Variants in LOXHD1 observed in about 807,000 individuals in gnomAD.
The protein encoded by LOXHD1 is lipoxygenase homology PLAT domains 1.
Under a neutral mutation model 248.2 loss-of-function variants are expected in LOXHD1, and 205 were observed. That is an observed-to-expected ratio of 0.83 (90% CI 0.74 to 0.93). The LOEUF is 0.93. LOXHD1 is among the 40% of genes least tolerant of loss of function. The pLI is 0.00. For missense variants in LOXHD1, 2,930 were observed against 2,971.6 expected (o/e 0.99, Z 0.33); for synonymous variants, 1,113 against 1,162.8 (o/e 0.96, Z 0.87).
At chr18:46,517,731 T>A (rs780262095) in intron 34 of LOXHD1, among the ~76,000 whole-genome samples, 41 of 152,266 alleles carry the variant, frequency 2.7e-4, no homozygotes, top group Admixed American at 9.8e-4. Context: ...ACAGAAAAGT[T>A]GCAAAAATAG....
In LOXHD1 at chr18:46,496,760, T is replaced by G. The variant is rs770688835; in HGVS notation, c.5879-7618A>C. ...GCTTATGCCTGTAATCCCAGCACTT[T>G]GGGAGGCCGAGGCAGGTGGATCCCT... is the stretch of plus-strand genomic sequence containing the variant. On this transcript the variant is annotated intron_variant, in intron 37 of 40. Coordinates refer to ENST00000642948, the MANE Select transcript of LOXHD1 (RefSeq NM_001384474.1). 1.4e-3 allele frequency among the ~76,000 whole-genome samples: 208 copies of G among 152,274 alleles called. 1 individual carries two copies. Among genetic ancestry groups the G allele is most frequent in the Non-Finnish European group, 2.5e-3 (171 of 68,010 alleles).
At chr18:46,589,271 G>A (rs1049753992) in intron 12 of LOXHD1, among the ~76,000 whole-genome samples, 2 of 152,128 alleles carry the variant, frequency 1.3e-5, no homozygotes, top group African/African-American at 4.8e-5. Context: ...GCGAACCTGT[G>A]ATCAATCCAT....
At chr18:46,650,016 C>G (rs1401155352) in intron 1 of LOXHD1, among the ~76,000 whole-genome samples, 1 of 152,096 alleles carries the variant, frequency 6.6e-6, no homozygotes, top group Non-Finnish European at 1.5e-5. Context: ...GGCATGTGCT[C>G]TATACCCATT....
chr18:46,500,417 C>A lies in LOXHD1; in HGVS notation c.5878+5421G>T, dbSNP rs577521616. ...TCCTCACCATTCTTGTTCAGGTCTT[C>A]TCAGGCAAACCTTTAACAAGTCCTT... On this transcript the variant is annotated intron_variant, in intron 37 of 40. Coordinates refer to ENST00000642948, the MANE Select transcript of LOXHD1 (RefSeq NM_001384474.1). Among the ~76,000 whole-genome samples, 15 of 152,316 alleles carry A rather than the reference C, an allele frequency of 9.8e-5. No homozygotes were observed. The South Asian group carries it at 3.1e-3, about 32-fold the overall frequency.
At chr18:46,540,922 G>T (rs2036533593) in intron 25 of LOXHD1, among the ~76,000 whole-genome samples, 1 of 152,066 alleles carries the variant, frequency 6.6e-6, no homozygotes, top group South Asian at 2.1e-4. Flanking sequence ...TCAGTTTATT[G>T]CTTTAGGCAA....
At chr18:46,576,454 C>T (rs968180111) in intron 14 of LOXHD1, among the ~76,000 whole-genome samples, 4 of 152,122 alleles carry the variant, frequency 2.6e-5, no homozygotes, top group African/African-American at 9.7e-5. Flanking sequence ...CACCCCTCAG[C>T]CCCTTGCTCA....
At chr18:46,635,112 G>A (rs1327445603) in intron 4 of LOXHD1, among the ~76,000 whole-genome samples, 1 of 152,028 alleles carries the variant, frequency 6.6e-6, no homozygotes, top group Admixed American at 6.5e-5. Flanking sequence ...GGATCCTGGG[G>A]TTGTGTTCCT....
At chr18:46,604,462 C>T (rs901142395) in intron 6 of LOXHD1, among the ~76,000 whole-genome samples, 5 of 152,306 alleles carry the variant, frequency 3.3e-5, no homozygotes, top group South Asian at 2.1e-4. Flanking sequence ...ACTGAGCCAC[C>T]GCTCCCTCCA....
intron 4 of LOXHD1, among the ~76,000 whole-genome samples, chr18:46,630,266 C>T (rs1383764376): frequency 6.6e-6 from 1 of 152,252 alleles, no homozygotes; most frequent in East Asian, 1.9e-4. Flanking sequence ...AGGCCTGTCT[C>T]ATGGCCAAGC....
chr18:46,559,978 G>T (rs540686099), intron 19 of LOXHD1, 105 bp downstream of exon 19: 12 of 1,219,314 alleles, frequency 9.8e-6, no homozygotes, highest in Non-Finnish European at 1.3e-5. Flanking sequence ...CCACCTATTT[G>T]GCCTCCACGT....
intron 23 of LOXHD1, 55 bp downstream of exon 23, chr18:46,545,262 C>A: frequency 7.6e-7 from 1 of 1,320,660 alleles, no homozygotes; most frequent in South Asian, 1.3e-5. Context: ...GCTGAGTCTT[C>A]TGGTCTCCCT....
intron 33 of LOXHD1, chr18:46,519,028 C>A (rs2035425759): frequency 2.0e-6 from 2 of 985,422 alleles, no homozygotes; most frequent in African/African-American, 3.5e-5. Context: ...GAGGCGCAGC[C>A]TGCTCTTCCT....
At chr18:46,572,703 G>A (rs1395307334) in intron 14 of LOXHD1, among the ~76,000 whole-genome samples, 1 of 152,136 alleles carries the variant, frequency 6.6e-6, no homozygotes, top group African/African-American at 2.4e-5. Context: ...GAGGGCTCTG[G>A]GGTGGGGAGA....
At chr18:46,616,830 A>G (rs1309967965) in intron 5 of LOXHD1, among the ~76,000 whole-genome samples, 3 of 152,216 alleles carry the variant, frequency 2.0e-5, no homozygotes, top group Admixed American at 2.0e-4. Context: ...TTTGCTATCA[A>G]TCTAACTATT....
chr18:46,610,437 A>T (rs2038489066), intron 6 of LOXHD1, among the ~76,000 whole-genome samples: 2 of 152,110 alleles, frequency 1.3e-5, no homozygotes, highest in African/African-American at 4.8e-5. Flanking sequence ...CATTAGGAGA[A>T]ATTCCTAATG....
intron 34 of LOXHD1, among the ~76,000 whole-genome samples, chr18:46,511,743 A>G (rs530739580): frequency 4.6e-5 from 7 of 152,186 alleles, no homozygotes; most frequent in Non-Finnish European, 7.4e-5. Flanking sequence ...TCTAAAGCCC[A>G]CCACGCTGGG....
At chr18:46,595,992 G>C (rs1191343868) in intron 8 of LOXHD1, among the ~76,000 whole-genome samples, 1 of 152,000 alleles carries the variant, frequency 6.6e-6, no homozygotes, top group African/African-American at 2.4e-5. Context: ...AAAAATTTAT[G>C]ATAAAAGTTC....
chr18:46,602,843 C>T (rs2038359074), intron 7 of LOXHD1, among the ~76,000 whole-genome samples: 1 of 152,114 alleles, frequency 6.6e-6, no homozygotes, highest in Non-Finnish European at 1.5e-5. Flanking sequence ...GGTGTTCCCA[C>T]ATCAGATATA....
intron 4 of LOXHD1, among the ~76,000 whole-genome samples, chr18:46,624,550 A>G (rs561686206): frequency 1.3e-5 from 2 of 152,242 alleles, no homozygotes; most frequent in East Asian, 3.9e-4. Flanking sequence ...GCTACCCCCA[A>G]AAGGTTTCCT....
Sources: allele counts gnomAD v4.1 joint callset (sites outside exome capture counted in the v4.1 genomes callset), GRCh38; gene constraint gnomAD v4.1.1; transcripts MANE v1.5; gene names NCBI Gene and HGNC (gene_info 2026-07-23, HGNC 2026-07-21).